Variants in KDM3B observed in about 807,000 individuals in gnomAD.
KDM3B encodes the protein lysine demethylase 3B, also known as lysine-specific demethylase 3B.
Under a neutral mutation model 170.0 loss-of-function variants are expected in KDM3B, and 10 were observed. That is an observed-to-expected ratio of 0.06 (90% CI 0.04 to 0.10). The LOEUF (loss-of-function observed/expected upper bound fraction) is 0.10. Ranked by LOEUF, KDM3B falls within the 10% of genes least tolerant of loss-of-function variation. The pLI is 1.00. For missense variants in KDM3B, 1,394 were observed against 2,195.2 expected (o/e 0.64, Z 7.29); for synonymous variants, 831 against 834.8 (o/e 1.00, Z 0.08).
At position 138,429,743 on chromosome 5, in the gene KDM3B, ATTTATT is replaced by A; in HGVS notation, c.4754-81_4754-76del. The A allele has an allele frequency of 4.8e-6, 7 of 1,467,766 alleles. No homozygotes were observed. The South Asian group carries it at 4.9e-5, about 10-fold the overall frequency. The allele number at this position is 1,467,766 out of a possible 1,614,324, so 90.9% of individuals were successfully genotyped here. ...CAGAGATGGAGAAGAGTAAAACTCAATTTATTTAAATTGGACATTTCATTTCACTCA... is the reference window on the plus strand; with the variant it reads ...CAGAGATGGAGAAGAGTAAAACTCAATAAATTGGACATTTCATTTCACTCA... On this transcript the variant is annotated intron_variant, in intron 20 of 23. Transcript: ENST00000314358.
At chr5:138,353,807 T>C (rs1368991563) in intron 1 of KDM3B, among the ~76,000 whole-genome samples, 1 of 152,196 alleles carries the variant, frequency 6.6e-6, no homozygotes, top group Admixed American at 6.5e-5. Flanking sequence ...TGTTCAGTCA[T>C]ACAACTTAAC....
At chr5:138,380,350 T>C (rs940558724) in intron 5 of KDM3B, among the ~76,000 whole-genome samples, 1 of 146,144 alleles carries the variant, frequency 6.8e-6, no homozygotes, top group Non-Finnish European at 1.5e-5. Context: ...ATAATTTATA[T>C]GATATATATA....
At chr5:138,382,439 A>G (rs1312054596) in intron 6 of KDM3B, among the ~76,000 whole-genome samples, 1 of 152,070 alleles carries the variant, frequency 6.6e-6, no homozygotes, top group Non-Finnish European at 1.5e-5. Flanking sequence ...GTGATAGAGC[A>G]AGACTCCGTC....
intron 9 of KDM3B, among the ~76,000 whole-genome samples, chr5:138,394,262 T>C (rs926776271): frequency 6.6e-6 from 1 of 152,196 alleles, no homozygotes; most frequent in Admixed American, 6.5e-5. Flanking sequence ...TAATTCCAGC[T>C]ACTCAGGAGG....
chr5:138,387,147 A>T (rs1189614491), intron 7 of KDM3B, among the ~76,000 whole-genome samples: 1 of 152,156 alleles, frequency 6.6e-6, no homozygotes, highest in African/African-American at 2.4e-5. Context: ...TTTAAGCCTT[A>T]CCTGAAAATT....
chr5:138,355,926 A>G (rs1187533107), intron 1 of KDM3B, among the ~76,000 whole-genome samples: 1 of 152,214 alleles, frequency 6.6e-6, no homozygotes, highest in Admixed American at 6.5e-5. Flanking sequence ...AAACATGAAA[A>G]CATTCAACCG....
chr5:138,386,299 A>G lies in KDM3B; in HGVS notation c.1058A>G (p.Asn353Ser), dbSNP rs773303235. Reference sequence around the variant, plus strand: ...ACATTTGTCCCCCAGATAAACCGCAACATTCGCTTTGCCACTTACACCAAA... The same window carrying G: ...ACATTTGTCCCCCAGATAAACCGCAGCATTCGCTTTGCCACTTACACCAAA... ...PSTFVPQINR[N>S]IRFATYTKEN... Residue 353 changes from asparagine (N) to serine (S), a missense_variant, in exon 7 of 24, where the codon AAC (asparagine) becomes AGC (serine). Asn to Ser is a conservative substitution (Grantham distance 46, BLOSUM62 1). Coordinates refer to ENST00000314358, the MANE Select transcript of KDM3B (RefSeq NM_016604.4). 3.1e-6 allele frequency: 5 copies of G among 1,614,216 alleles called. No individual in the cohort carries two copies. The highest frequency in any genetic ancestry group is 4.2e-6 in the Non-Finnish European group (5 of 1,180,038).
chr5:138,370,330 TG>T (rs1352913235), intron 1 of KDM3B, among the ~76,000 whole-genome samples: 2 of 152,208 alleles, frequency 1.3e-5, no homozygotes, highest in Non-Finnish European at 2.9e-5. Flanking sequence ...ATTTAACTTC[TG>T]GGATAACTTT....
At chr5:138,400,698 A>C (rs1180810784) in intron 11 of KDM3B, among the ~76,000 whole-genome samples, 3 of 152,002 alleles carry the variant, frequency 2.0e-5, no homozygotes, top group African/African-American at 4.8e-5. Context: ...ATAGTGAGCT[A>C]TGATCATACC....
chr5:138,425,661 A>G, intron 17 of KDM3B, 79 bp downstream of exon 17: 1 of 1,230,328 alleles, frequency 8.1e-7, no homozygotes, highest in Non-Finnish European at 1.1e-6. Flanking sequence ...CCCTTGAATA[A>G]TAAATTATAT....
chr5:138,426,901 C>T, intron 17 of KDM3B, 74 bp from the exon 18 acceptor site: 3 of 1,052,576 alleles, frequency 2.9e-6, no homozygotes, highest in Non-Finnish European at 4.4e-6. Flanking sequence ...AGATTAGTCT[C>T]CCAAAAGTTA....
intron 14 of KDM3B, among the ~76,000 whole-genome samples, 194 bp downstream of exon 14, chr5:138,419,426 G>A (rs1561791341): frequency 6.6e-6 from 1 of 151,898 alleles, no homozygotes; most frequent in Non-Finnish European, 1.5e-5. Flanking sequence ...GAGGCAAGGC[G>A]GGCAGATCGC....
At chr5:138,389,354 T>A (rs548588116) in intron 7 of KDM3B, among the ~76,000 whole-genome samples, 1 of 152,344 alleles carries the variant, frequency 6.6e-6, no homozygotes, top group Admixed American at 6.5e-5. Context: ...GAATGTTAAC[T>A]CCTCTTGTGT....
chr5:138,409,406 TTAGAAA>T (rs1338153908), intron 11 of KDM3B, among the ~76,000 whole-genome samples: 1 of 152,054 alleles, frequency 6.6e-6, no homozygotes. Context: ...CAATGAACAA[TTAGAAA>T]TTGAAATGTA....
intron 11 of KDM3B, among the ~76,000 whole-genome samples, chr5:138,408,801 A>G (rs893036628): frequency 1.3e-5 from 2 of 152,244 alleles, no homozygotes; most frequent in African/African-American, 4.8e-5. Context: ...TGATCTCAAG[A>G]TATAGCAGAA....
At chr5:138,380,601 C>A (rs1298966267) in intron 5 of KDM3B, among the ~76,000 whole-genome samples, 1 of 143,294 alleles carries the variant, frequency 7.0e-6, no homozygotes, top group Non-Finnish European at 1.5e-5. Flanking sequence ...ACTAATATGT[C>A]ACAGTGAACA....
At chr5:138,366,836 G>A (rs1173259129) in intron 1 of KDM3B, among the ~76,000 whole-genome samples, 4 of 152,160 alleles carry the variant, frequency 2.6e-5, no homozygotes, top group Non-Finnish European at 5.9e-5. Context: ...ATATTCAAAT[G>A]CATAATATAA....
chr5:138,353,272 C>G (rs1390013068), intron 1 of KDM3B, among the ~76,000 whole-genome samples: 1 of 152,210 alleles, frequency 6.6e-6, no homozygotes, highest in Non-Finnish European at 1.5e-5. Context: ...TCTCGGCGTT[C>G]CCCCCAACAC....
chr5:138,434,198 C>T (rs1010780589), intron 23 of KDM3B, among the ~76,000 whole-genome samples: 6 of 152,012 alleles, frequency 3.9e-5, no homozygotes, highest in Non-Finnish European at 7.4e-5. Context: ...TTGAAGCTCT[C>T]GTGACCTATG....
Sources: allele counts gnomAD v4.1 joint callset (sites outside exome capture counted in the v4.1 genomes callset), GRCh38; gene constraint gnomAD v4.1.1; transcripts MANE v1.5; gene names NCBI Gene and HGNC (gene_info 2026-07-23, HGNC 2026-07-21).